The following ARHGAP39 variants were observed in gnomAD, a reference collection of about 807,000 sequenced individuals.
The protein encoded by ARHGAP39 is rho GTPase-activating protein 39.
ARHGAP39 carries 44 observed loss-of-function variants against 106.9 expected under a neutral mutation model. That is an observed-to-expected ratio of 0.41 (90% CI 0.32 to 0.53). The LOEUF is 0.53. Among genes scored for constraint, ARHGAP39 ranks in the 20% least tolerant of loss-of-function variants. The pLI is 0.21. For missense variants in ARHGAP39, 1,496 were observed against 1,577.3 expected, an observed-to-expected ratio of 0.95 and a Z score of 0.87; for synonymous variants, 768 against 693.2, an observed-to-expected ratio of 1.11 and a Z score of -1.69.
intron 3 of ARHGAP39, among the ~76,000 whole-genome samples, chr8:144,578,926 G>A (rs990089239): frequency 6.6e-6 from 1 of 151,498 alleles, no homozygotes; most frequent in Admixed American, 6.6e-5. Flanking sequence ...GTGAAAAAAG[G>A]GGCCAGGCGT....
At chr8:144,546,275 G>C (rs547115899) in intron 5 of ARHGAP39, among the ~76,000 whole-genome samples, 1 of 152,090 alleles carries the variant, frequency 6.6e-6, no homozygotes, top group Non-Finnish European at 1.5e-5. Flanking sequence ...ACCCCAGGCC[G>C]ACCTCCAGGA....
intron 2 of ARHGAP39, among the ~76,000 whole-genome samples, chr8:144,592,884 G>A (rs530539134): frequency 4.0e-4 from 61 of 152,206 alleles, no homozygotes; most frequent in Non-Finnish European, 6.6e-4. Flanking sequence ...TGCACAGGGC[G>A]AGGTGGGGAG....
At chr8:144,606,618 G>A (rs1385995008) in intron 1 of ARHGAP39, among the ~76,000 whole-genome samples, 13 of 152,260 alleles carry the variant, frequency 8.5e-5, no homozygotes, top group Non-Finnish European at 1.5e-5. Context: ...AGAAGGAGGA[G>A]GAGGAGGAGG....
At chr8:144,627,154 G>A (rs542388406) in intron 1 of ARHGAP39, among the ~76,000 whole-genome samples, 64 of 152,328 alleles carry the variant, frequency 4.2e-4, no homozygotes, top group African/African-American at 1.4e-3. Flanking sequence ...GGATCCGACC[G>A]CCATCCCAGT....
At chr8:144,611,774 GGGAGGCTGAAGCA>G (rs1318193023) in intron 1 of ARHGAP39, among the ~76,000 whole-genome samples, 1 of 152,116 alleles carries the variant, frequency 6.6e-6, no homozygotes, top group African/African-American at 2.4e-5. Flanking sequence ...CCAGCACTTT[GGGAGGCTGAAGCA>G]GGAGGATCCC....
At chr8:144,622,170 C>T (rs1233715991) in intron 1 of ARHGAP39, among the ~76,000 whole-genome samples, 8 of 152,144 alleles carry the variant, frequency 5.3e-5, no homozygotes, top group Admixed American at 3.3e-4. Flanking sequence ...GCCTCTGCCT[C>T]GATGGGGTCT....
rs969129258 is a variant in ARHGAP39 at position 144,603,921 on chromosome 8, G to A, written c.80+1614C>T. Among the ~76,000 whole-genome samples, 14 of 152,026 alleles carry A rather than the reference G, an allele frequency of 9.2e-5. 1 individual carries two copies. In the South Asian group the frequency reaches 2.1e-3, roughly 22 times the overall value. On this transcript the variant is annotated intron_variant, in intron 2 of 11. Coordinates refer to ENST00000377307, the MANE Select transcript of ARHGAP39 (RefSeq NM_025251.3). ...ACAGGATCCAGCGAGACGCTTAGGG[G>A]CCTATCTGGGCGCTTATGCACCAAG...
At chr8:144,596,325 C>T (rs1432103586) in intron 2 of ARHGAP39, among the ~76,000 whole-genome samples, 1 of 151,866 alleles carries the variant, frequency 6.6e-6, no homozygotes, top group Non-Finnish European at 1.5e-5. Context: ...GAGGGGACAG[C>T]TGAGGCCTTG....
At position 144,633,545 on chromosome 8, in the gene ARHGAP39, T is replaced by G. The variant is rs542738419; in HGVS notation, c.-81-27850A>C. ...AGAAATCTTCCATAATGCCCAAAAT[T>G]TCAAAGCCCAGCTACTAATTCAAAG... On this transcript the variant is annotated intron_variant, in intron 1 of 11. Transcript: ENST00000377307. Among the ~76,000 whole-genome samples the G allele has an allele frequency of 2.6e-4, 39 of 152,352 alleles. 1 individual carries two copies. The South Asian group carries it at 7.9e-3, about 31-fold the overall frequency.
chr8:144,698,611 T>A, the ARHGAP39 span: 7 of 294,766 alleles, frequency 2.4e-5, no homozygotes, highest in East Asian at 8.2e-4. Context: ...ATCTGTTTTT[T>A]TTTTGGCAAT....
Position 144,547,866 on chromosome 8 carries a change from C to T in ARHGAP39, c.1220G>A (p.Ser407Asn), listed in dbSNP as rs750303643. 36 of 1,585,130 alleles carry T rather than the reference C, an allele frequency of 2.3e-5. No homozygotes were observed. Among genetic ancestry groups the T allele is most frequent in the Admixed American group, 3.6e-5 (2 of 55,768 alleles). The stretch of plus-strand genomic sequence containing the variant: ...CCGCGGGCCGGCGCGCAGCTTGGGG[C>T]TGGAGCCCGCCTGCTCCACGTAGAC... ...QLVYVEQAGS[S>N]PKLRAGPRHK... is the part of the protein sequence containing the mutation. Residue 407 changes from serine to asparagine, a missense_variant, in exon 5 of 12, where the codon AGC becomes AAC. Transcript: ENST00000377307. The surrounding 1 kb of genome is among the most constrained non-coding windows in gnomAD (Gnocchi z 5.2).
intron 1 of ARHGAP39, among the ~76,000 whole-genome samples, chr8:144,653,814 C>A (rs1312588176): frequency 1.3e-5 from 2 of 151,944 alleles, no homozygotes; most frequent in African/African-American, 4.8e-5. Flanking sequence ...TAATAACTAT[C>A]GGGTCATGAC....
In ARHGAP39 at chr8:144,679,503, G is replaced by A. The variant is rs565275018; in HGVS notation, c.-82+6183C>T. On this transcript the variant is annotated intron_variant, in intron 1 of 11. Transcript: ENST00000377307. This position sits in a 1 kb window ranked among gnomAD's most constrained non-coding sequence, Gnocchi z 4.7. ...GGAATCAGCCTCTGCTGCTGTGAGCGCTGCAGTGCTGGGGTTGCTACTGCA... is the reference window on the plus strand; with the variant it reads ...GGAATCAGCCTCTGCTGCTGTGAGCACTGCAGTGCTGGGGTTGCTACTGCA... Among the ~76,000 whole-genome samples, 5 of 152,346 alleles carry A rather than the reference G, an allele frequency of 3.3e-5. No homozygotes were observed. The highest frequency in any genetic ancestry group is 2.1e-4 in the South Asian group (1 of 4,828).
At chr8:144,543,280 T>C (rs1387892930) in intron 6 of ARHGAP39, among the ~76,000 whole-genome samples, 1 of 152,180 alleles carries the variant, frequency 6.6e-6, no homozygotes, top group Non-Finnish European at 1.5e-5. Context: ...GCTGGGCCTG[T>C]CTTTCTGAGC....
At chr8:144,652,828 T>C (rs1183873455) in intron 1 of ARHGAP39, among the ~76,000 whole-genome samples, 2 of 151,940 alleles carry the variant, frequency 1.3e-5, no homozygotes, top group Non-Finnish European at 2.9e-5. Context: ...GCTTAATACT[T>C]GGGTGATGAA....
intron 1 of ARHGAP39, among the ~76,000 whole-genome samples, chr8:144,628,663 C>T (rs988622855): frequency 9.2e-5 from 14 of 152,196 alleles, no homozygotes; most frequent in Admixed American, 2.6e-4. Flanking sequence ...GTCAATGAAC[C>T]AACCAGGCTG....
intron 1 of ARHGAP39, among the ~76,000 whole-genome samples, chr8:144,681,523 G>A (rs1822417785): frequency 6.6e-6 from 1 of 152,190 alleles, no homozygotes. Context: ...AGAAGTAGGT[G>A]TTTCAATATA....
At position 144,671,049 on chromosome 8, in the gene ARHGAP39, G is replaced by A. The variant is rs529100193; in HGVS notation, c.-82+14637C>T. ...CACAGTGCTGCCAAGCCTCAGGGCC[G>A]CCAAGCTTCTCCCGAAACCCAACCA... On this transcript the variant is annotated intron_variant, in intron 1 of 11. Transcript: ENST00000377307. This position sits in a 1 kb window ranked among gnomAD's most constrained non-coding sequence, Gnocchi z 4.5. 3.3e-5 allele frequency among the ~76,000 whole-genome samples: 5 copies of A among 152,140 alleles called. No homozygotes were observed. The highest frequency in any genetic ancestry group is 2.1e-4 in the South Asian group (1 of 4,824).
At chr8:144,683,111 C>G (rs1042725603) in intron 1 of ARHGAP39, 2 of 151,192 alleles carry the variant, frequency 1.3e-5, no homozygotes, top group African/African-American at 4.9e-5. Context: ...GTCAGGAGAT[C>G]GAGACTATCC....
Sources: allele counts gnomAD v4.1 joint callset (sites outside exome capture counted in the v4.1 genomes callset), GRCh38; gene constraint gnomAD v4.1.1; non-coding constraint Gnocchi (gnomAD v3.1); transcripts MANE v1.5; gene names NCBI Gene and HGNC (gene_info 2026-07-23, HGNC 2026-07-21).